Variants in THAP8 observed in about 807,000 individuals in gnomAD.
THAP8 encodes the protein THAP domain-containing protein 8.
A neutral mutation model predicts 25.0 loss-of-function variants in THAP8; 24 were observed. The observed-to-expected ratio is 0.96, with a 90% CI of 0.69 to 1.35. THAP8 has a LOEUF of 1.35. Among genes scored for constraint, THAP8 ranks in the 40% most tolerant of loss-of-function variants. The pLI, the probability that THAP8 is intolerant of heterozygous loss-of-function variation, is 0.00. For synonymous variants in THAP8, 169 were observed against 157.6 expected, an observed-to-expected ratio of 1.07 and a Z score of -0.54; for missense variants, 399 against 368.8, an observed-to-expected ratio of 1.08 and a Z score of -0.67.
chr19:36,040,034 G>C lies in THAP8; in HGVS notation c.186C>G (p.Phe62Leu), dbSNP rs1488377026. 6 of 1,613,826 alleles carry C rather than the reference G, an allele frequency of 3.7e-6. No homozygotes were observed. Among genetic ancestry groups the C allele is most frequent in the South Asian group, 1.1e-5 (1 of 91,086 alleles). The part of the protein sequence containing the change: ...SCHQHLCSEH[F>L]TPSCFQWRWG... The stretch of plus-strand genomic sequence containing the variant: ...AGCGCCACTGGAAGCAGGAGGGTGT[G>C]AAGTGCTCGCTGCACAAGTGCTGGT... The change falls in exon 2 of 4, where the codon TTC (phenylalanine) becomes TTG (leucine). Residue 62 changes from phenylalanine to leucine, a missense_variant. Coordinates refer to ENST00000292894, the MANE Select transcript of THAP8 (RefSeq NM_152658.3).
At position 36,043,871 on chromosome 19, in the gene THAP8, G is replaced by GA. The variant is rs112505269; in HGVS notation, c.84-3736dup. ...CCACTGCACTACAACCTGGGCGACA[G>GA]AGCAAGACTCCATCTCAAAAAAAAA... On this transcript the variant is annotated intron_variant, in intron 1 of 3. Transcript: ENST00000292894. Among the ~76,000 whole-genome samples, 191 of 152,254 alleles carry GA rather than the reference G, an allele frequency of 1.3e-3. 1 individual carries two copies. Among genetic ancestry groups the GA allele is most frequent in the African/African-American group, 4.5e-3 (187 of 41,554 alleles).
chr19:36,041,204 C>A (rs993208950), intron 1 of THAP8, among the ~76,000 whole-genome samples: 3 of 150,464 alleles, frequency 2.0e-5, no homozygotes, highest in African/African-American at 4.9e-5. Context: ...CCCAGCTACT[C>A]GGGAGGCTGA....
In THAP8 at chr19:36,051,927, G is replaced by A. The variant is rs116521525; in HGVS notation, c.83+2208C>T. On this transcript the variant is annotated intron_variant, in intron 1 of 3. Transcript: ENST00000292894. ...CTGCTCGCATTACCACCTGAGTTCC[G>A]CCTCCTGTCAGAGCAGCAGCAGCAT... Among the ~76,000 whole-genome samples, 1,014 of 152,184 alleles carry A rather than the reference G, an allele frequency of 6.7e-3. 14 individuals carry two copies. The highest frequency in any genetic ancestry group is 0.023 in the African/African-American group (975 of 41,514).
Position 36,054,134 on chromosome 19 carries a change from C to T in THAP8, c.83+1G>A, listed in dbSNP as rs3810448. On this transcript the variant is annotated splice_donor_variant, in intron 1 of 3. Transcript: ENST00000292894. LOFTEE classifies it high-confidence loss of function. ...CAAGCCCCGCCCCGCGCTGCGCTCACTTGTAGAAGCTCACAGGGCGGTTGT... is the reference window on the plus strand; with the variant it reads ...CAAGCCCCGCCCCGCGCTGCGCTCATTTGTAGAAGCTCACAGGGCGGTTGT... 2.5e-5 allele frequency: 41 copies of T among 1,613,688 alleles called. No individual in the cohort carries two copies. In the East Asian group the frequency reaches 9.1e-4, roughly 36 times the overall value.
upstream of THAP8, chr19:36,054,537 C>T (rs1331630525): frequency 1.6e-5 from 9 of 559,804 alleles, no homozygotes; most frequent in Non-Finnish European, 2.9e-5. Context: ...CCTGCGCCAA[C>T]CAAATCAACT....
intron 1 of THAP8, among the ~76,000 whole-genome samples, chr19:36,041,516 G>GT (rs1969692886): frequency 6.6e-6 from 1 of 152,146 alleles, no homozygotes; most frequent in South Asian, 2.1e-4. Context: ...TTGATAACTA[G>GT]TGACACAGTG....
chr19:36,049,133 G>A (rs1969979356), intron 1 of THAP8, among the ~76,000 whole-genome samples: 1 of 152,110 alleles, frequency 6.6e-6, no homozygotes, highest in East Asian at 1.9e-4. Context: ...AGCTACTCAG[G>A]AGGCTGAGAT....
intron 1 of THAP8, among the ~76,000 whole-genome samples, chr19:36,047,299 C>T (rs1276583856): frequency 6.6e-6 from 1 of 152,186 alleles, no homozygotes; most frequent in East Asian, 1.9e-4. Flanking sequence ...GACCACAATT[C>T]CCAGCCTCTT....
intron 1 of THAP8, among the ~76,000 whole-genome samples, 155 bp downstream of exon 1, chr19:36,053,980 A>G (rs893570698): frequency 6.6e-6 from 1 of 152,168 alleles, no homozygotes; most frequent in African/African-American, 2.4e-5. Context: ...TGTATGTGCA[A>G]TGGACACTGC....
chr19:36,037,035 C>T (rs1969479665), intron 3 of THAP8, among the ~76,000 whole-genome samples: 3 of 151,850 alleles, frequency 2.0e-5, no homozygotes. Flanking sequence ...GCATTCAGAG[C>T]TCTGTGTGGG....
intron 1 of THAP8, 38 bp from the exon 2 acceptor site, chr19:36,040,174 G>A (rs1215944916): frequency 1.3e-6 from 2 of 1,560,450 alleles, no homozygotes; most frequent in East Asian, 2.3e-5. Flanking sequence ...AGTGCTACGA[G>A]GTTCAGACTT....
At chr19:36,036,951 A>C (rs1285770971) in intron 3 of THAP8, among the ~76,000 whole-genome samples, 1 of 110,060 alleles carries the variant, frequency 9.1e-6, no homozygotes, top group African/African-American at 3.2e-5. Context: ...AAAAAAAAAA[A>C]AAAAAAAAAT....
Position 36,035,593 on chromosome 19 carries a change from C to T in THAP8, c.673-1G>A, listed in dbSNP as rs74384706. On this transcript the variant is annotated splice_acceptor_variant, in intron 3 of 3. Transcript: ENST00000292894. LOFTEE classifies it high-confidence loss of function. ...CAGGTCCAAGGGTCTGGGCTGTTGT[C>T]TAAGGCAAAGAAGTGGTAGAGATGG... The T allele has an allele frequency of 1.2e-6, 2 of 1,612,370 alleles. No individual in the cohort carries two copies. Among genetic ancestry groups the T allele is most frequent in the African/African-American group, 2.7e-5 (2 of 74,808 alleles).
chr19:36,037,697 T>G (rs767470575), intron 3 of THAP8, among the ~76,000 whole-genome samples: 1 of 152,182 alleles, frequency 6.6e-6, no homozygotes, highest in East Asian at 1.9e-4. Flanking sequence ...TGGAGTGCAA[T>G]GGCACAATCT....
At chr19:36,038,078 G>A (rs559255819) in intron 3 of THAP8, among the ~76,000 whole-genome samples, 2 of 152,206 alleles carry the variant, frequency 1.3e-5, no homozygotes, top group South Asian at 2.1e-4. Context: ...CCAAGTAGCT[G>A]GGATTACAGG....
chr19:36,046,217 C>T (rs1969877041), intron 1 of THAP8, among the ~76,000 whole-genome samples: 1 of 151,850 alleles, frequency 6.6e-6, no homozygotes, highest in East Asian at 1.9e-4. Context: ...TCCCCTCTTG[C>T]TCTCTCTCTC....
intron 1 of THAP8, among the ~76,000 whole-genome samples, chr19:36,043,703 C>G (rs997952076): frequency 9.2e-5 from 14 of 152,230 alleles, no homozygotes; most frequent in African/African-American, 2.4e-5. Flanking sequence ...GCCTGGCCAA[C>G]ATGGTGAAAC....
chr19:36,044,180 G>A (rs1237121411), intron 1 of THAP8, among the ~76,000 whole-genome samples: 3 of 152,164 alleles, frequency 2.0e-5, no homozygotes, highest in African/African-American at 7.2e-5. Context: ...CAGAAACTGA[G>A]ACTGTAAATG....
intron 1 of THAP8, among the ~76,000 whole-genome samples, chr19:36,053,840 G>A (rs1970174298): frequency 6.6e-6 from 1 of 152,120 alleles, no homozygotes; most frequent in East Asian, 1.9e-4. Context: ...CGTGGGGAGG[G>A]CAAGTGGGCA....
Sources: allele counts gnomAD v4.1 joint callset (sites outside exome capture counted in the v4.1 genomes callset), GRCh38; gene constraint gnomAD v4.1.1; transcripts MANE v1.5; gene names NCBI Gene and HGNC (gene_info 2026-07-23, HGNC 2026-07-21).